Variants in NUBP1 observed in about 807,000 individuals in gnomAD.
The protein encoded by NUBP1 is NUBP iron-sulfur cluster assembly factor 1, cytosolic, also known as cytosolic Fe-S cluster assembly factor NUBP1.
A neutral mutation model predicts 41.8 loss-of-function variants in NUBP1; 46 were observed. The ratio of observed to expected loss-of-function variants is 1.10; its 90% CI spans 0.87 to 1.41. NUBP1 has a LOEUF of 1.41. NUBP1 is among the 40% of genes most tolerant of loss of function. The pLI, the probability that NUBP1 is intolerant of heterozygous loss-of-function variation, is 0.00. For missense variants in NUBP1, 494 were observed against 414.0 expected (o/e 1.19, Z -1.68); for synonymous variants, 189 against 154.6 (o/e 1.22, Z -1.65).
Position 10,767,084 on chromosome 16 carries a change from G to T in NUBP1, c.821-865G>T. On this transcript the variant is annotated intron_variant, in intron 9 of 10. Coordinates refer to ENST00000283027, the MANE Select transcript of NUBP1 (RefSeq NM_002484.4). The surrounding 1 kb of genome is among the most constrained non-coding windows in gnomAD (Gnocchi z 4.6). ...TGAGTGCTAGGTAGGAACCCCTCCT[G>T]GGGTTCACCTGAGGCTGGTGACCGG... The T allele has an allele frequency of 2.5e-6, 1 of 398,756 alleles. No homozygotes were observed. The highest frequency in any genetic ancestry group is 4.4e-6 in the Non-Finnish European group (1 of 226,160). 24.7% of individuals were successfully genotyped at this position (398,756 alleles called of 1,614,324 possible).
chr16:10,761,468 GTGCAA>G lies in NUBP1; in HGVS notation c.712_716del (p.Cys238GlufsTer36). On this transcript the variant is annotated frameshift_variant and splice_region_variant, in exon 8 of 11. Transcript: ENST00000283027. LOFTEE classifies it high-confidence loss of function. ...ACATGAGTGGCTTCATCTGTCCTAA[GTGCAA>G]GGTGAGGGCGCGTGGGGCTGCCAGG... is the stretch of plus-strand genomic sequence containing the variant. 6.2e-7 allele frequency: 1 copy of G among 1,613,878 alleles called. No homozygotes were observed. The highest frequency in any genetic ancestry group is 8.5e-7 in the Non-Finnish European group (1 of 1,179,794).
Position 10,759,983 on chromosome 16 carries a change from A to G in NUBP1, c.607-1381A>G, listed in dbSNP as rs74988634. Among the ~76,000 whole-genome samples the G allele has an allele frequency of 0.015, 2,281 of 152,368 alleles. 76 individuals carry two copies. The highest frequency in any genetic ancestry group is 0.051 in the African/African-American group (2,134 of 41,584). On this transcript the variant is annotated intron_variant, in intron 7 of 10. Coordinates refer to ENST00000283027, the MANE Select transcript of NUBP1 (RefSeq NM_002484.4). This position sits in a 1 kb window ranked among gnomAD's most constrained non-coding sequence, Gnocchi z 4.7. ...TCACTACACCTGACAGTGACAAGCC[A>G]CAGCAGGACTTGGGTACAGGGATCT...
At chr16:10,755,630 A>G in intron 4 of NUBP1, 91 bp from the exon 5 acceptor site, 1 of 1,324,210 alleles carries the variant, frequency 7.6e-7, no homozygotes, top group East Asian at 2.3e-5. Flanking sequence ...TTAAAAAACC[A>G]TCGTCTTACT....
At position 10,765,719 on chromosome 16, in the gene NUBP1, AG is replaced by A. The variant is rs368424541; in HGVS notation, c.821-2227del. Among the ~76,000 whole-genome samples the A allele has an allele frequency of 1.1e-4, 17 of 152,280 alleles. No individual in the cohort carries two copies. The highest frequency in any genetic ancestry group is 3.4e-3 in the Middle Eastern group (1 of 294). ...GGCATTGGCCCTGGTCTTTCCTTTC[AG>A]GGCCACTTTTCACAAAGAAACAAAG... On this transcript the variant is annotated intron_variant, in intron 9 of 10. Coordinates refer to ENST00000283027, the MANE Select transcript of NUBP1 (RefSeq NM_002484.4). This position sits in a 1 kb window ranked among gnomAD's most constrained non-coding sequence, Gnocchi z 4.0.
Position 10,752,257 on chromosome 16 carries a change from A to G in NUBP1, c.259-353A>G, listed in dbSNP as rs182227833. ...CTGCCGTCTCTTGGCTGTTCCATCC[A>G]TTCTGTCACACAAGCCAAACAGGCG... On this transcript the variant is annotated intron_variant, in intron 3 of 10. Coordinates refer to ENST00000283027, the MANE Select transcript of NUBP1 (RefSeq NM_002484.4). Among the ~76,000 whole-genome samples, 54 of 152,220 alleles carry G rather than the reference A, an allele frequency of 3.5e-4. No homozygotes were observed. In the Middle Eastern group the frequency reaches 0.01, roughly 29 times the overall value.
rs759226526 is a variant in NUBP1 at position 10,749,120 on chromosome 16, GACACAT to G, written c.258+1850_258+1855del. On this transcript the variant is annotated intron_variant, in intron 3 of 10. Coordinates refer to ENST00000283027, the MANE Select transcript of NUBP1 (RefSeq NM_002484.4). This position sits in a 1 kb window ranked among gnomAD's most constrained non-coding sequence, Gnocchi z 4.1. ...AAAAAAGGATATAGATAGATACACA[GACACAT>G]ACACACACACACACACACACACACA... Among the ~76,000 whole-genome samples, 3,284 of 92,336 alleles carry G rather than the reference GACACAT, an allele frequency of 0.036. 74 individuals are homozygous for G. The highest frequency in any genetic ancestry group is 0.061 in the Middle Eastern group (12 of 198). 60.6% of individuals were successfully genotyped at this position (92,336 alleles called of 152,430 possible).
rs1445358445 is a variant in NUBP1 at position 10,767,570 on chromosome 16, C to T, written c.821-379C>T. The T allele has an allele frequency of 2.2e-6, 1 of 448,040 alleles. No homozygotes were observed. Among genetic ancestry groups the T allele is most frequent in the African/African-American group, 2.0e-5 (1 of 49,814 alleles). 27.8% of individuals were successfully genotyped at this position (448,040 alleles called of 1,614,324 possible). A position where few individuals can be genotyped will look rare whatever the true frequency, so the allele number is the denominator to read the frequency against. Reference sequence around the variant, plus strand: ...CACTAGTAGCCCTTTTCGGACTTGGCCTTTTATGCCATATCCTTTTGCATT... The same window carrying T: ...CACTAGTAGCCCTTTTCGGACTTGGTCTTTTATGCCATATCCTTTTGCATT... On this transcript the variant is annotated intron_variant, in intron 9 of 10. Transcript: ENST00000283027. The surrounding 1 kb of genome is among the most constrained non-coding windows in gnomAD (Gnocchi z 4.6).
chr16:10,761,732 C>T, intron 8 of NUBP1, 25 bp from the exon 9 acceptor site: 1 of 1,574,144 alleles, frequency 6.4e-7, no homozygotes, highest in Non-Finnish European at 8.7e-7. Flanking sequence ...AATTATGTTT[C>T]CTCCCCTTTG....
rs549668661 is a variant in NUBP1 at position 10,755,756 on chromosome 16, G to A, written c.360+3G>A. The A allele has an allele frequency of 6.2e-7, 1 of 1,614,104 alleles. No homozygotes were observed. Among genetic ancestry groups the A allele is most frequent in the East Asian group, 2.2e-5 (1 of 44,888 alleles). On this transcript the variant is annotated splice_donor_region_variant and intron_variant, in intron 5 of 10. Coordinates refer to ENST00000283027, the MANE Select transcript of NUBP1 (RefSeq NM_002484.4). ...GTGGCTCAGGCTGGTCTCCAGTGGT[G>A]AGTTTTCACCTCTTTGCCCTATTTT... is the stretch of plus-strand genomic sequence containing the variant.
chr16:10,761,868 C>T lies in NUBP1; in HGVS notation c.820+9C>T, dbSNP rs752587492. 1 of 1,608,270 alleles carries T rather than the reference C, an allele frequency of 6.2e-7. No homozygotes were observed. Among genetic ancestry groups the T allele is most frequent in the South Asian group, 1.1e-5 (1 of 90,946 alleles). On this transcript the variant is annotated intron_variant, in intron 9 of 10. Transcript: ENST00000283027. Reference sequence around the variant, plus strand: ...CCTGGATCCGCTCATAGGTGGGTGACCCCAGTGTGGGGCGGCACCTCACTC... The same window carrying T: ...CCTGGATCCGCTCATAGGTGGGTGATCCCAGTGTGGGGCGGCACCTCACTC...
intron 3 of NUBP1, among the ~76,000 whole-genome samples, chr16:10,751,581 C>T (rs1900322320): frequency 6.6e-6 from 1 of 152,122 alleles, no homozygotes; most frequent in African/African-American, 2.4e-5. Flanking sequence ...CACTTTGGAT[C>T]CGAGTCATTG....
Position 10,767,213 on chromosome 16 carries a change from G to T in NUBP1, c.821-736G>T. On this transcript the variant is annotated intron_variant, in intron 9 of 10. Transcript: ENST00000283027. The surrounding 1 kb of genome is among the most constrained non-coding windows in gnomAD (Gnocchi z 4.6). ...CCACCCACGACTGGGGGCTGGCAGG[G>T]CAGACTGGAGGCGAGAACACCCCCA... The T allele has an allele frequency of 2.5e-6, 1 of 399,832 alleles. No individual in the cohort carries two copies. 24.8% of individuals were successfully genotyped at this position (399,832 alleles called of 1,614,324 possible).
rs899162896 is a variant in NUBP1 at position 10,768,933 on chromosome 16, G to A, written c.905-114G>A. The A allele has an allele frequency of 3.2e-5, 28 of 879,246 alleles. No homozygotes were observed. Among genetic ancestry groups the A allele is most frequent in the Non-Finnish European group, 5.0e-5 (27 of 540,456 alleles). 54.5% of individuals were successfully genotyped at this position (879,246 alleles called of 1,614,324 possible). On this transcript the variant is annotated intron_variant, in intron 10 of 10. Transcript: ENST00000283027. The surrounding 1 kb of genome is among the most constrained non-coding windows in gnomAD (Gnocchi z 4.3). Reference sequence around the variant, plus strand: ...CATCACAGACACAGGTCTTTTTATGGAACTAGCCAGAGGATTCCACCCCTG... The same window carrying A: ...CATCACAGACACAGGTCTTTTTATGAAACTAGCCAGAGGATTCCACCCCTG...
Position 10,744,066 on chromosome 16 carries a change from G to C in NUBP1, c.124+1G>C, listed in dbSNP as rs1166766293. The C allele has an allele frequency of 3.2e-6, 5 of 1,573,768 alleles. No individual in the cohort carries two copies. The highest frequency in any genetic ancestry group is 2.3e-5 in the East Asian group (1 of 42,870). The stretch of plus-strand genomic sequence containing the variant: ...GGAGCGGGGGCCACTCCGGACACGG[G>C]TGAGAAAAGGGCAAGGCCTCAACAG... On this transcript the variant is annotated splice_donor_variant, in intron 2 of 10. Coordinates refer to ENST00000283027, the MANE Select transcript of NUBP1 (RefSeq NM_002484.4). LOFTEE classifies it high-confidence loss of function.
chr16:10,754,298 A>T (rs1162026253), intron 4 of NUBP1, among the ~76,000 whole-genome samples: 1 of 151,818 alleles, frequency 6.6e-6, no homozygotes, highest in Non-Finnish European at 1.5e-5. Flanking sequence ...GCTGGAGTGC[A>T]GTGTCGCGAT....
chr16:10,747,396 G>A lies in NUBP1; in HGVS notation c.258+120G>A, dbSNP rs558630419. 6.9e-6 allele frequency: 9 copies of A among 1,310,874 alleles called. No homozygotes were observed. In the East Asian group the frequency reaches 2.2e-4, roughly 32 times the overall value. The allele number at this position is 1,310,874 out of a possible 1,614,324, so 81.2% of individuals were successfully genotyped here. On this transcript the variant is annotated intron_variant, in intron 3 of 10. Coordinates refer to ENST00000283027, the MANE Select transcript of NUBP1 (RefSeq NM_002484.4). The stretch of plus-strand genomic sequence containing the variant: ...TGCCTGTAATCCCAGCACTTTGGGA[G>A]GCCAAGGCGGGCAGATCACTTGAGG...
chr16:10,750,630 C>T (rs1033100911), intron 3 of NUBP1, among the ~76,000 whole-genome samples: 5 of 152,174 alleles, frequency 3.3e-5, no homozygotes, highest in South Asian at 2.1e-4. Context: ...ACTGAGTGTG[C>T]GAGGCCCTCC....
In NUBP1 at chr16:10,763,291, C is replaced by G. The variant is rs186493435; in HGVS notation, c.820+1432C>G. ...GACATGGACAGGATTGCCAAGGGGCCGTGCAGAAAGCGGGAGCCAGGAGGA... is the reference window on the plus strand; with the variant it reads ...GACATGGACAGGATTGCCAAGGGGCGGTGCAGAAAGCGGGAGCCAGGAGGA... On this transcript the variant is annotated intron_variant, in intron 9 of 10. Transcript: ENST00000283027. Among the ~76,000 whole-genome samples the G allele has an allele frequency of 1.1e-3, 162 of 151,916 alleles. 2 individuals are homozygous for G. Among genetic ancestry groups the G allele is most frequent in the African/African-American group, 3.7e-3 (152 of 41,400 alleles).
intron 2 of NUBP1, 108 bp downstream of exon 2, chr16:10,744,173 T>C: frequency 1.8e-6 from 2 of 1,116,840 alleles, no homozygotes; most frequent in Non-Finnish European, 1.2e-6. Flanking sequence ...AGCGGCAGGC[T>C]AGAAGGTATT....
Sources: allele counts gnomAD v4.1 joint callset (sites outside exome capture counted in the v4.1 genomes callset), GRCh38; gene constraint gnomAD v4.1.1; non-coding constraint Gnocchi (gnomAD v3.1); transcripts MANE v1.5; gene names NCBI Gene and HGNC (gene_info 2026-07-23, HGNC 2026-07-21).